Variants in NEK1 observed in about 807,000 individuals in gnomAD.
NEK1 encodes serine/threonine-protein kinase Nek1.
NEK1 carries 137 observed loss-of-function variants against 182.1 expected under a neutral mutation model. The ratio of observed to expected loss-of-function variants is 0.75; its 90% confidence interval spans 0.65 to 0.87. The LOEUF (loss-of-function observed/expected upper bound fraction) is 0.87, where lower values mean the gene tolerates loss of function less well. Ranked by LOEUF, NEK1 falls within the 40% of genes least tolerant of loss-of-function variation. The probability of loss-of-function intolerance (pLI) is 0.00; values close to 1 mark genes in which losing one functional copy is unlikely to be tolerated. For synonymous variants in NEK1, 513 were observed against 492.2 expected, an observed-to-expected ratio of 1.04 and a Z score of -0.56; for missense variants, 1,391 against 1,494.4, an observed-to-expected ratio of 0.93 and a Z score of 1.14.
At chr4:169,529,093 A>G (rs947219277) in intron 19 of NEK1, among the ~76,000 whole-genome samples, 1 of 152,208 alleles carries the variant, frequency 6.6e-6, no homozygotes, top group Non-Finnish European at 1.5e-5. Flanking sequence ...AACACAACAT[A>G]GAAAATTTGT....
At chr4:169,428,649 G>A (rs971745926) in intron 29 of NEK1, among the ~76,000 whole-genome samples, 1 of 151,820 alleles carries the variant, frequency 6.6e-6, no homozygotes, top group East Asian at 1.9e-4. Context: ...TAGTGGTGAT[G>A]GTTGTACACC....
intron 6 of NEK1, 38 bp downstream of exon 6, chr4:169,590,688 T>C (rs1768321441): frequency 1.4e-6 from 2 of 1,446,570 alleles, no homozygotes; most frequent in South Asian, 2.5e-5. Context: ...TTCCATGTCT[T>C]TATCCATTCA....
chr4:169,449,709 A>G lies in NEK1; in HGVS notation c.2588-11450T>C, dbSNP rs753941411. Among the ~76,000 whole-genome samples the G allele has an allele frequency of 2.0e-5, 3 of 152,246 alleles. No individual in the cohort carries two copies. In the South Asian group the frequency reaches 6.2e-4, roughly 31 times the overall value. On this transcript the variant is annotated intron_variant, in intron 27 of 35. Transcript: ENST00000507142. ...AAAGACTAAAGGTAGATAAAACCAC[A>G]AAGATGGGGAGAAACCAAAGCAGAA...
chr4:169,561,430 G>T, intron 16 of NEK1, 50 bp downstream of exon 16: 3 of 1,482,476 alleles, frequency 2.0e-6, no homozygotes, highest in Non-Finnish European at 2.8e-6. Context: ...GAACAAGGTG[G>T]AACTGGAGGG....
chr4:169,413,263 G>C (rs925188008), intron 31 of NEK1, among the ~76,000 whole-genome samples: 3 of 151,794 alleles, frequency 2.0e-5, no homozygotes, highest in African/African-American at 7.3e-5. Flanking sequence ...GACTTCCTGG[G>C]CTCAAGCGAT....
chr4:169,600,187 G>C (rs1454232870), intron 4 of NEK1, among the ~76,000 whole-genome samples: 1 of 151,946 alleles, frequency 6.6e-6, no homozygotes, highest in Non-Finnish European at 1.5e-5. Context: ...ACTGTGCTAT[G>C]GCCTTATTTC....
chr4:169,541,674 T>C (rs1018631772), intron 18 of NEK1, among the ~76,000 whole-genome samples: 1 of 151,948 alleles, frequency 6.6e-6, no homozygotes. Flanking sequence ...GCAGAGAAAA[T>C]GTCCTATAAT....
chr4:169,404,655 C>T (rs910638545), intron 32 of NEK1, among the ~76,000 whole-genome samples: 2 of 152,124 alleles, frequency 1.3e-5, no homozygotes, highest in African/African-American at 2.4e-5. Context: ...TACCTTCTCA[C>T]CTTACTCTAG....
intron 19 of NEK1, among the ~76,000 whole-genome samples, chr4:169,523,399 A>G (rs150942180): frequency 1.8e-3 from 280 of 152,360 alleles, no homozygotes; most frequent in African/African-American, 6.6e-3. Context: ...TAAAAAGGGA[A>G]AATTTGAAGA....
chr4:169,585,907 G>A (rs536059630), intron 9 of NEK1, among the ~76,000 whole-genome samples: 2 of 152,188 alleles, frequency 1.3e-5, no homozygotes, highest in East Asian at 3.9e-4. Flanking sequence ...CTTCATTTAA[G>A]ACCTGACTTT....
intron 2 of NEK1, among the ~76,000 whole-genome samples, chr4:169,604,010 G>C (rs1425529573): frequency 6.6e-6 from 1 of 152,016 alleles, no homozygotes; most frequent in Non-Finnish European, 1.5e-5. Context: ...CACATTTATT[G>C]AACATTTCTA....
chr4:169,556,148 C>G (rs1480140908), intron 16 of NEK1, 53 bp from the exon 17 acceptor site: 6 of 1,513,932 alleles, frequency 4.0e-6, no homozygotes, highest in Middle Eastern at 1.7e-4. Flanking sequence ...GCCTAACAGG[C>G]CTGTACTAGT....
intron 19 of NEK1, among the ~76,000 whole-genome samples, chr4:169,512,056 A>G (rs915875199): frequency 2.0e-5 from 3 of 152,112 alleles, no homozygotes; most frequent in African/African-American, 7.2e-5. Context: ...TTTTGCTATT[A>G]CAAATAAAGT....
intron 12 of NEK1, among the ~76,000 whole-genome samples, chr4:169,563,225 G>A (rs1763191925): frequency 1.3e-5 from 2 of 151,934 alleles, no homozygotes; most frequent in Admixed American, 6.6e-5. Flanking sequence ...AGCCAGGCAT[G>A]TGGCCCACAC....
intron 26 of NEK1, among the ~76,000 whole-genome samples, chr4:169,464,850 C>A (rs1038983706): frequency 6.6e-6 from 1 of 152,008 alleles, no homozygotes; most frequent in African/African-American, 2.4e-5. Flanking sequence ...AGGCAAATAA[C>A]TGCTACTTCC....
At chr4:169,540,684 G>A (rs560890710) in intron 18 of NEK1, among the ~76,000 whole-genome samples, 6 of 151,936 alleles carry the variant, frequency 3.9e-5, no homozygotes, top group Non-Finnish European at 8.8e-5. Context: ...CACTGACCCC[G>A]ATTAAGGATA....
chr4:169,556,182 A>G (rs920113801), intron 16 of NEK1, 87 bp from the exon 17 acceptor site: 9 of 1,213,314 alleles, frequency 7.4e-6, no homozygotes, highest in South Asian at 1.7e-5. Context: ...GTAAATTTCA[A>G]TGCTTCACTT....
intron 31 of NEK1, among the ~76,000 whole-genome samples, chr4:169,416,449 A>C (rs2111231523): frequency 6.6e-6 from 1 of 152,368 alleles, no homozygotes; most frequent in South Asian, 2.1e-4. Flanking sequence ...TCTTCTAGAG[A>C]ATTTCTTATA....
At chr4:169,446,280 C>T (rs530725034) in intron 27 of NEK1, among the ~76,000 whole-genome samples, 31 of 151,758 alleles carry the variant, frequency 2.0e-4, no homozygotes, top group South Asian at 1.3e-3. Flanking sequence ...TGAAAAACCA[C>T]TAACGAGACT....
Sources: gnomAD v4.1 joint callset for allele counts (sites outside exome capture counted in the v4.1 genomes callset) on GRCh38, gnomAD v4.1.1 for gene constraint, MANE v1.5 for transcripts, NCBI Gene and HGNC (gene_info 2026-07-23, HGNC 2026-07-21) for gene names.